EXT2: variants seen among roughly 807,000 people sequenced by gnomAD.
The protein encoded by EXT2 is exostosin-2.
Under a neutral mutation model 81.6 loss-of-function variants are expected in EXT2, and 53 were observed. That is an observed-to-expected ratio of 0.65 (90% CI 0.52 to 0.82). The LOEUF (loss-of-function observed/expected upper bound fraction) is 0.82, where lower values mean the gene tolerates loss of function less well. Among genes scored for constraint, EXT2 ranks in the 40% least tolerant of loss-of-function variants. The probability of loss-of-function intolerance (pLI) is 0.00; values close to 1 mark genes in which losing one functional copy is unlikely to be tolerated. For missense variants in EXT2, 774 were observed against 910.2 expected, an observed-to-expected ratio of 0.85 and a Z score of 1.93; for synonymous variants, 320 against 340.0, an observed-to-expected ratio of 0.94 and a Z score of 0.65.
At chr11:44,127,406 G>T (rs1954424204) in intron 6 of EXT2, among the ~76,000 whole-genome samples, 1 of 152,198 alleles carries the variant, frequency 6.6e-6, no homozygotes, top group African/African-American at 2.4e-5. Flanking sequence ...CCTCCTGTCA[G>T]ATCAGTGGTG....
At position 44,155,883 on chromosome 11, in the gene EXT2, G is replaced by A. The variant is rs148555558; in HGVS notation, c.1174-15728G>A. Among the ~76,000 whole-genome samples the A allele has an allele frequency of 2.8e-4, 43 of 152,052 alleles. No homozygotes were observed. In the East Asian group the frequency reaches 5.2e-3, roughly 18 times the overall value. On this transcript the variant is annotated intron_variant, in intron 7 of 13. Transcript: ENST00000533608. ...TTGCTTGTTAACATCCTTTTCTTTC[G>A]GATTGAATAACTCTTTAGTATTTCT...
intron 7 of EXT2, among the ~76,000 whole-genome samples, chr11:44,143,638 A>G (rs1954675938): frequency 1.3e-5 from 2 of 152,346 alleles, no homozygotes; most frequent in African/African-American, 4.8e-5. Flanking sequence ...GCTTGTCCCT[A>G]TAACCCTTAA....
chr11:44,122,795 G>A (rs1954337969), intron 4 of EXT2, among the ~76,000 whole-genome samples: 1 of 152,182 alleles, frequency 6.6e-6, no homozygotes, highest in South Asian at 2.1e-4. Flanking sequence ...TAAGGACGTG[G>A]TCAACGTTTG....
At chr11:44,211,171 G>C (rs1360674481) in intron 10 of EXT2, among the ~76,000 whole-genome samples, 4 of 152,182 alleles carry the variant, frequency 2.6e-5, no homozygotes, top group African/African-American at 9.7e-5. Context: ...CTTGTACACT[G>C]TCAGTGGGAA....
intron 10 of EXT2, among the ~76,000 whole-genome samples, chr11:44,229,686 C>A (rs1051987780): frequency 1.3e-5 from 2 of 152,228 alleles, no homozygotes; most frequent in Admixed American, 1.3e-4. Context: ...GGTCTTCACA[C>A]AGAATGGATA....
intron 7 of EXT2, among the ~76,000 whole-genome samples, chr11:44,158,643 A>G (rs943741403): frequency 6.6e-6 from 1 of 151,286 alleles, no homozygotes; most frequent in African/African-American, 2.4e-5. Flanking sequence ...TTTAATTTTA[A>G]TAAAAAGAAA....
chr11:44,226,342 A>T (rs1955838035), intron 10 of EXT2, among the ~76,000 whole-genome samples: 3 of 152,200 alleles, frequency 2.0e-5, no homozygotes, highest in Admixed American at 1.3e-4. Context: ...TTAATCCATA[A>T]TGCAGTTTGT....
At chr11:44,196,242 A>T (rs115948975) in intron 8 of EXT2, among the ~76,000 whole-genome samples, 1,763 of 152,184 alleles carry the variant, frequency 0.012, 26 homozygotes, top group African/African-American at 0.038. Context: ...CATTGTGAAC[A>T]TTTTCTCTTT....
Position 44,126,957 on chromosome 11 carries a change from T to C in EXT2, c.1079+2T>C. Reference sequence around the variant, plus strand: ...CTCTGAAGTTCTTGACTGGAAGAGGTGGGTAGTACCTCCTAGTAAACTCTA... The same window carrying C: ...CTCTGAAGTTCTTGACTGGAAGAGGCGGGTAGTACCTCCTAGTAAACTCTA... On this transcript the variant is annotated splice_donor_variant, in intron 6 of 13. Transcript: ENST00000533608. LOFTEE classifies it high-confidence loss of function. 1 of 1,614,118 alleles carries C rather than the reference T, an allele frequency of 6.2e-7. No homozygotes were observed. Among genetic ancestry groups the C allele is most frequent in the Non-Finnish European group, 8.5e-7 (1 of 1,179,988 alleles).
intron 1 of EXT2, among the ~76,000 whole-genome samples, chr11:44,101,154 G>A: frequency 6.6e-6 from 1 of 152,164 alleles, no homozygotes; most frequent in East Asian, 1.9e-4. Context: ...CAAAGGTGGG[G>A]GTATTGGTGG....
intron 7 of EXT2, among the ~76,000 whole-genome samples, chr11:44,152,627 G>A (rs12288588): frequency 0.3 from 46,348 of 151,980 alleles, 7,556 homozygotes; most frequent in Admixed American, 0.46. Context: ...CTGAGATTAC[G>A]GGCATGAGCC....
intron 7 of EXT2, among the ~76,000 whole-genome samples, chr11:44,152,031 G>C (rs778543596): frequency 9.9e-5 from 15 of 151,358 alleles, no homozygotes; most frequent in Admixed American, 2.0e-4. Context: ...TAAGGTGTCT[G>C]TTCAGGTCTT....
chr11:44,112,221 G>A (rs1038548286), intron 3 of EXT2, among the ~76,000 whole-genome samples: 4 of 152,194 alleles, frequency 2.6e-5, no homozygotes, highest in African/African-American at 9.7e-5. Flanking sequence ...CACTGGGTTA[G>A]GGAGGGTGGA....
In EXT2 at chr11:44,141,307, A is replaced by C. The variant is rs115926510; in HGVS notation, c.1173+11169A>C. Among the ~76,000 whole-genome samples, 9 of 152,296 alleles carry C rather than the reference A, an allele frequency of 5.9e-5. No individual in the cohort carries two copies. The East Asian group carries it at 1.5e-3, about 26-fold the overall frequency. ...TTTTATGTATGTTCAGTACAGGCAC[A>C]GTTTTTTTTCCGAATATTTTTGATC... On this transcript the variant is annotated intron_variant, in intron 7 of 13. Coordinates refer to ENST00000533608, the MANE Select transcript of EXT2 (RefSeq NM_207122.2).
intron 10 of EXT2, among the ~76,000 whole-genome samples, chr11:44,223,247 A>C (rs1202194490): frequency 6.6e-6 from 1 of 152,238 alleles, no homozygotes; most frequent in Non-Finnish European, 1.5e-5. Flanking sequence ...TAAACATGCA[A>C]CTACCATAGG....
At chr11:44,131,021 G>A (rs2135031886) in intron 7 of EXT2, among the ~76,000 whole-genome samples, 1 of 152,292 alleles carries the variant, frequency 6.6e-6, no homozygotes, top group East Asian at 1.9e-4. Context: ...GTGGGGAGGG[G>A]ATCTGAGGTT....
chr11:44,211,944 AG>A (rs1439110512), intron 10 of EXT2, among the ~76,000 whole-genome samples: 2 of 152,164 alleles, frequency 1.3e-5, no homozygotes, highest in African/African-American at 4.8e-5. Context: ...GATTAAACAG[AG>A]GGGGAAAGGT....
intron 9 of EXT2, among the ~76,000 whole-genome samples, chr11:44,200,590 A>G (rs1392936781): frequency 6.6e-6 from 1 of 152,178 alleles, no homozygotes; most frequent in East Asian, 1.9e-4. Flanking sequence ...TTGGCTGAGC[A>G]TGTCAGCAAC....
rs1050631801 is a variant in EXT2, at chr11:44,251,556, G to A, written c.*7269G>A. Among the ~76,000 whole-genome samples the A allele has an allele frequency of 6.6e-5, 10 of 152,012 alleles. No homozygotes were observed. The highest frequency in any genetic ancestry group is 1.2e-4 in the African/African-American group (5 of 41,372). ...CTTGGGCTGTGACTATTTACTTCTC[G>A]GTACAGATTACTCTGGTTAAATCAC... On this transcript the variant is annotated 3_prime_UTR_variant, in exon 14 of 14. Transcript: ENST00000533608.
Sources: allele counts gnomAD v4.1 joint callset (sites outside exome capture counted in the v4.1 genomes callset), GRCh38; gene constraint gnomAD v4.1.1; transcripts MANE v1.5; gene names NCBI Gene and HGNC (gene_info 2026-07-23, HGNC 2026-07-21).